The following NEK11 variants were observed in gnomAD, a reference collection of about 807,000 sequenced individuals.
NEK11 encodes the protein serine/threonine-protein kinase Nek11.
NEK11 carries 72 observed loss-of-function variants against 80.7 expected under a neutral mutation model. The ratio of observed to expected loss-of-function variants is 0.89; its 90% CI spans 0.74 to 1.08. The LOEUF is 1.08. Among genes scored for constraint, NEK11 ranks in the 50% least tolerant of loss-of-function variants. The probability of loss-of-function intolerance (pLI) is 0.00; values close to 1 mark genes in which losing one functional copy is unlikely to be tolerated. For missense variants in NEK11, 764 were observed against 763.6 expected (o/e 1.00, Z -0.01); for synonymous variants, 251 against 260.7 (o/e 0.96, Z 0.36).
chr3:131,113,606 T>G (rs1405028929), intron 5 of NEK11, among the ~76,000 whole-genome samples: 3 of 152,036 alleles, frequency 2.0e-5, no homozygotes, highest in Non-Finnish European at 2.9e-5. Context: ...CTTTCCTGAA[T>G]TTTTGGGGAA....
chr3:131,309,263 TGG>T (rs1199666048), intron 17 of NEK11, among the ~76,000 whole-genome samples: 5 of 152,224 alleles, frequency 3.3e-5, no homozygotes, highest in African/African-American at 1.2e-4. Context: ...GCTGTGGTCC[TGG>T]GAAAGGCATT....
rs577579317 is a variant in NEK11, at chr3:131,166,480, T to C, written c.1176+961T>C. On this transcript the variant is annotated intron_variant, in intron 12 of 17. Coordinates refer to ENST00000383366, the MANE Select transcript of NEK11 (RefSeq NM_024800.5). The stretch of plus-strand genomic sequence containing the variant: ...GCCAGTAATGCATCTTTCTCAATTA[T>C]TTAGGGGTTCTGTGTGCTTTGGAGT... Among the ~76,000 whole-genome samples, 3 of 152,304 alleles carry C rather than the reference T, an allele frequency of 2.0e-5. No individual in the cohort carries two copies. The South Asian group carries it at 6.2e-4, about 32-fold the overall frequency.
intron 16 of NEK11, among the ~76,000 whole-genome samples, chr3:131,268,206 G>A (rs149193288): frequency 6.6e-6 from 1 of 152,166 alleles, no homozygotes; most frequent in Non-Finnish European, 1.5e-5. Context: ...CCTTGCATTG[G>A]GTTAGAACAT....
intron 4 of NEK11, among the ~76,000 whole-genome samples, chr3:131,087,677 G>A (rs532807342): frequency 1.8e-4 from 27 of 152,280 alleles, no homozygotes; most frequent in African/African-American, 5.8e-4. Context: ...AACAAACCAA[G>A]TAAGCGGGTT....
At chr3:131,271,972 C>T (rs912252996) in intron 16 of NEK11, among the ~76,000 whole-genome samples, 5 of 149,698 alleles carry the variant, frequency 3.3e-5, no homozygotes, top group South Asian at 2.1e-4. Context: ...TGGTGGCGCA[C>T]GCCTGTAATC....
At chr3:131,190,064 A>G (rs2093735637) in intron 14 of NEK11, among the ~76,000 whole-genome samples, 1 of 152,204 alleles carries the variant, frequency 6.6e-6, no homozygotes, top group African/African-American at 2.4e-5. Context: ...ATCGATGTAT[A>G]GATCCATAAA....
At chr3:131,093,653 G>C (rs1330236844) in intron 4 of NEK11, among the ~76,000 whole-genome samples, 3 of 151,962 alleles carry the variant, frequency 2.0e-5, no homozygotes, top group African/African-American at 7.3e-5. Context: ...CTGACCACCC[G>C]CCTCTGCCTT....
chr3:131,040,864 C>T (rs2066374362), intron 3 of NEK11, among the ~76,000 whole-genome samples: 1 of 152,184 alleles, frequency 6.6e-6, no homozygotes, highest in Non-Finnish European at 1.5e-5. Context: ...GCAGCAGTCA[C>T]TTAGCATTTT....
At chr3:131,186,069 A>C (rs759578693) in intron 14 of NEK11, among the ~76,000 whole-genome samples, 10 of 152,174 alleles carry the variant, frequency 6.6e-5, no homozygotes, top group Non-Finnish European at 1.3e-4. Context: ...GTACACAGCA[A>C]TTTTTTACTA....
chr3:131,030,106 G>A (rs1253453207), intron 3 of NEK11, among the ~76,000 whole-genome samples: 2 of 152,130 alleles, frequency 1.3e-5, no homozygotes, highest in Non-Finnish European at 2.9e-5. Flanking sequence ...CAGGCAGGGT[G>A]GTACATGCCT....
At chr3:131,165,755 C>A (rs990279270) in intron 12 of NEK11, among the ~76,000 whole-genome samples, 19 of 152,150 alleles carry the variant, frequency 1.2e-4, no homozygotes, top group Admixed American at 1.3e-4. Flanking sequence ...CTACTCTGTA[C>A]AAGACAACTG....
chr3:131,180,527 T>C (rs1036589465), intron 14 of NEK11, among the ~76,000 whole-genome samples: 2 of 152,230 alleles, frequency 1.3e-5, no homozygotes, highest in African/African-American at 2.4e-5. Flanking sequence ...TATTTAGTTT[T>C]AAATTTCCTG....
chr3:131,246,245 C>T (rs998688315), intron 16 of NEK11, among the ~76,000 whole-genome samples: 2 of 152,038 alleles, frequency 1.3e-5, no homozygotes, highest in Admixed American at 1.3e-4. Flanking sequence ...GCCTTTTATC[C>T]CTCACCTCCC....
intron 14 of NEK11, among the ~76,000 whole-genome samples, chr3:131,212,353 G>A (rs545805460): frequency 6.6e-6 from 1 of 152,296 alleles, no homozygotes; most frequent in African/African-American, 2.4e-5. Flanking sequence ...TCCTTCCTCT[G>A]GAAGCTTCGT....
Position 131,037,336 on chromosome 3 carries a change from T to G in NEK11, c.170+7458T>G, listed in dbSNP as rs942383789. On this transcript the variant is annotated intron_variant, in intron 3 of 17. Transcript: ENST00000383366. ...GTCTTGCTCTGTTGCCAGGCTGGAG[T>G]GCAGTGGTGTGATCTCAGCTCACTG... Among the ~76,000 whole-genome samples, 14 of 150,636 alleles carry G rather than the reference T, an allele frequency of 9.3e-5. No individual in the cohort carries two copies. In the South Asian group the frequency reaches 2.7e-3, roughly 29 times the overall value.
intron 7 of NEK11, among the ~76,000 whole-genome samples, chr3:131,136,404 C>T (rs183843005): frequency 6.6e-6 from 1 of 152,204 alleles, no homozygotes; most frequent in Non-Finnish European, 1.5e-5. Context: ...GGTTGAGAAC[C>T]TGTCTCTGAA....
chr3:131,274,862 C>T (rs1292536267), intron 17 of NEK11, among the ~76,000 whole-genome samples: 3 of 151,470 alleles, frequency 2.0e-5, no homozygotes, highest in Non-Finnish European at 4.4e-5. Flanking sequence ...ACCTTGTTAG[C>T]CAGGATGGTC....
chr3:131,322,060 T>G (rs2096902682), intron 17 of NEK11, among the ~76,000 whole-genome samples: 1 of 152,144 alleles, frequency 6.6e-6, no homozygotes, highest in African/African-American at 2.4e-5. Context: ...CGCAGCACTA[T>G]TCACAATAGC....
At chr3:131,135,535 T>C (rs992103275) in intron 7 of NEK11, among the ~76,000 whole-genome samples, 1 of 152,212 alleles carries the variant, frequency 6.6e-6, no homozygotes, top group African/African-American at 2.4e-5. Flanking sequence ...AAAGCAAAAG[T>C]GATAGGATTC....
Sources: allele counts gnomAD v4.1 joint callset (sites outside exome capture counted in the v4.1 genomes callset), GRCh38; gene constraint gnomAD v4.1.1; transcripts MANE v1.5; gene names NCBI Gene and HGNC (gene_info 2026-07-23, HGNC 2026-07-21).